Variants in MCC observed in about 807,000 individuals in gnomAD.
MCC encodes MCC regulator of Wnt signaling pathway, also known as colorectal mutant cancer protein.
In MCC, 90 loss-of-function variants were observed where a neutral mutation model predicts 116.2. The observed-to-expected ratio is 0.77, with a 90% CI of 0.65 to 0.92. The LOEUF (loss-of-function observed/expected upper bound fraction) is 0.92. MCC is among the 40% of genes least tolerant of loss of function. The pLI is 0.00. For missense variants in MCC, 1,516 were observed against 1,312.2 expected, an observed-to-expected ratio of 1.16 and a Z score of -2.40; for synonymous variants, 578 against 510.5, an observed-to-expected ratio of 1.13 and a Z score of -1.78.
intron 8 of MCC, among the ~76,000 whole-genome samples, chr5:113,095,370 CCT>C (rs1166071983): frequency 6.6e-6 from 1 of 152,146 alleles, no homozygotes; most frequent in Non-Finnish European, 1.5e-5. Context: ...CTTTTGTAGG[CCT>C]CTGTTTTCCC....
chr5:113,440,008 C>T (rs1770987285), intron 1 of MCC, among the ~76,000 whole-genome samples: 1 of 152,118 alleles, frequency 6.6e-6, no homozygotes, highest in South Asian at 2.1e-4. Context: ...AGGGATCCTC[C>T]CACCTCAGCC....
intron 15 of MCC, 125 bp downstream of exon 15, chr5:113,053,600 C>A (rs1420853663): frequency 3.0e-6 from 2 of 655,924 alleles, no homozygotes; most frequent in Non-Finnish European, 5.2e-6. Context: ...TGTCTATAAA[C>A]AAGGGTCTAG....
At chr5:113,087,913 G>C (rs1755317267) in intron 8 of MCC, among the ~76,000 whole-genome samples, 1 of 151,962 alleles carries the variant, frequency 6.6e-6, no homozygotes, top group South Asian at 2.1e-4. Context: ...GCTCACTGTG[G>C]AAAATGTAGA....
chr5:113,117,132 A>T (rs1757442632), intron 6 of MCC, among the ~76,000 whole-genome samples: 1 of 152,222 alleles, frequency 6.6e-6, no homozygotes, highest in South Asian at 2.1e-4. Context: ...ACATTTCTCC[A>T]GGTCTGCAAA....
chr5:113,412,605 T>A (rs1481368406), intron 1 of MCC, among the ~76,000 whole-genome samples: 2 of 152,190 alleles, frequency 1.3e-5, no homozygotes, highest in African/African-American at 4.8e-5. Context: ...TGCTTGTGAT[T>A]TTTGCACACT....
Position 113,385,054 on chromosome 5 carries a change from T to C in MCC, c.329A>G (p.Asp110Gly), listed in dbSNP as rs2150393517. ...LVREIRKEEV[D>G]LSAKSDNSCT... ...GGAGTTGTCTGACTTTGCAGAAAGA[T>C]CTACTTCCTCCTTCCTAATTTCTCG... is the stretch of plus-strand genomic sequence containing the variant. Residue 110 changes from aspartate (D) to glycine (G), a missense_variant, in exon 2 of 19, where the codon GAT (aspartate) becomes GGT (glycine). Coordinates refer to ENST00000408903, the MANE Select transcript of MCC (RefSeq NM_001085377.2). 4 of 1,614,220 alleles carry C rather than the reference T, an allele frequency of 2.5e-6. No individual in the cohort carries two copies. The highest frequency in any genetic ancestry group is 3.4e-6 in the Non-Finnish European group (4 of 1,180,028).
intron 1 of MCC, among the ~76,000 whole-genome samples, chr5:113,443,308 T>G (rs1010262195): frequency 6.6e-6 from 1 of 152,190 alleles, no homozygotes; most frequent in Non-Finnish European, 1.5e-5. Context: ...TGTCTGTTAC[T>G]GGTGTATAGA....
chr5:113,082,758 T>C (rs1346867635), intron 11 of MCC, 102 bp downstream of exon 11: 4 of 1,425,532 alleles, frequency 2.8e-6, no homozygotes, highest in Non-Finnish European at 2.9e-6. Context: ...TACTGCTCTA[T>C]GTCACAATAC....
intron 4 of MCC, among the ~76,000 whole-genome samples, chr5:113,143,907 A>C (rs748127947): frequency 9.2e-5 from 14 of 152,166 alleles, no homozygotes; most frequent in Non-Finnish European, 1.0e-4. Flanking sequence ...TTTTCAACCA[A>C]ATAATCCTAA....
intron 3 of MCC, among the ~76,000 whole-genome samples, chr5:113,208,904 G>A (rs1027464220): frequency 1.3e-5 from 2 of 152,124 alleles, no homozygotes; most frequent in Non-Finnish European, 2.9e-5. Context: ...AAAATTCAGA[G>A]GCCTAACACC....
At chr5:113,390,319 GCA>G (rs1769372025) in intron 1 of MCC, among the ~76,000 whole-genome samples, 1 of 152,084 alleles carries the variant, frequency 6.6e-6, no homozygotes, top group African/African-American at 2.4e-5. Context: ...TCATATTCAT[GCA>G]CATATATCTT....
chr5:113,299,937 G>A (rs1316062599), intron 3 of MCC, among the ~76,000 whole-genome samples: 1 of 152,166 alleles, frequency 6.6e-6, no homozygotes, highest in Non-Finnish European at 1.5e-5. Context: ...TCTGGTCCCT[G>A]GGATGAGAAG....
At chr5:113,321,206 G>A (rs960546841) in intron 3 of MCC, among the ~76,000 whole-genome samples, 1 of 152,108 alleles carries the variant, frequency 6.6e-6, no homozygotes, top group Non-Finnish European at 1.5e-5. Flanking sequence ...TTAATTTGAA[G>A]TCTAGAAATA....
At chr5:113,075,593 TGCACCAGTCA>T (rs1561783991) in intron 11 of MCC, among the ~76,000 whole-genome samples, 1 of 152,192 alleles carries the variant, frequency 6.6e-6, no homozygotes. Context: ...GGTTTGTAAA[TGCACCAGTCA>T]GCACCCTGTC....
intron 3 of MCC, among the ~76,000 whole-genome samples, chr5:113,272,990 A>G (rs1412776858): frequency 6.6e-6 from 1 of 152,240 alleles, no homozygotes; most frequent in East Asian, 1.9e-4. Context: ...GATTGTAGAA[A>G]TGGGACAAGA....
chr5:113,283,677 C>A (rs74620960), intron 3 of MCC, among the ~76,000 whole-genome samples: 1 of 152,108 alleles, frequency 6.6e-6, no homozygotes, highest in African/African-American at 2.4e-5. Flanking sequence ...AAAAGAAAGG[C>A]GTATTGTCCC....
intron 3 of MCC, among the ~76,000 whole-genome samples, chr5:113,331,057 C>G (rs1767684960): frequency 6.6e-6 from 1 of 152,210 alleles, no homozygotes; most frequent in Non-Finnish European, 1.5e-5. Flanking sequence ...AGAACAGATG[C>G]CCGGAAGATG....
intron 1 of MCC, among the ~76,000 whole-genome samples, chr5:113,406,619 T>C (rs1055720021): frequency 6.6e-6 from 1 of 152,218 alleles, no homozygotes; most frequent in Non-Finnish European, 1.5e-5. Context: ...ATCTTTTTTT[T>C]CAAATCGATC....
At chr5:113,116,041 TC>T (rs1283870410) in intron 6 of MCC, among the ~76,000 whole-genome samples, 1 of 152,118 alleles carries the variant, frequency 6.6e-6, no homozygotes, top group Non-Finnish European at 1.5e-5. Context: ...CTGCCCACTC[TC>T]CCCCAGGCTC....
Sources: allele counts gnomAD v4.1 joint callset (sites outside exome capture counted in the v4.1 genomes callset), GRCh38; gene constraint gnomAD v4.1.1; transcripts MANE v1.5; gene names NCBI Gene and HGNC (gene_info 2026-07-23, HGNC 2026-07-21).